RWDD1: variants seen among roughly 807,000 people sequenced by gnomAD.
RWDD1 encodes the protein RWD domain-containing protein 1.
RWDD1 carries 17 observed loss-of-function variants against 31.6 expected under a neutral mutation model. The observed-to-expected ratio is 0.54, with a 90% CI of 0.37 to 0.81. The LOEUF (loss-of-function observed/expected upper bound fraction) is 0.81, where lower values mean the gene tolerates loss of function less well. Among genes scored for constraint, RWDD1 ranks in the 30% least tolerant of loss-of-function variants. The pLI is 0.00. For synonymous variants in RWDD1, 78 were observed against 94.2 expected (o/e 0.83, Z 0.99); for missense variants, 204 against 274.5 (o/e 0.74, Z 1.82).
chr6:116,590,490 G>C, intron 5 of RWDD1, 86 bp downstream of exon 5: 1 of 1,447,576 alleles, frequency 6.9e-7, no homozygotes, highest in African/African-American at 1.4e-5. Flanking sequence ...TCAGATTTCT[G>C]TAAGAAAATA....
At chr6:116,590,975 TG>T (rs759508308) in intron 6 of RWDD1, 25 bp downstream of exon 6, 3 of 1,557,800 alleles carry the variant, frequency 1.9e-6, no homozygotes, top group Non-Finnish European at 2.6e-6. Flanking sequence ...GAATTCCACA[TG>T]TGGGACAGGC....
chr6:116,589,837 A>G (rs1483524626), intron 4 of RWDD1, among the ~76,000 whole-genome samples: 2 of 152,148 alleles, frequency 1.3e-5, no homozygotes, highest in African/African-American at 2.4e-5. Context: ...TTTATTCACT[A>G]TCATGAGAAT....
intron 1 of RWDD1, among the ~76,000 whole-genome samples, chr6:116,577,057 C>G (rs895559907): frequency 6.6e-6 from 1 of 152,206 alleles, no homozygotes; most frequent in Non-Finnish European, 1.5e-5. Flanking sequence ...AGGGTGGCTT[C>G]ACAAATAAAA....
At chr6:116,571,802 C>G in intron 1 of RWDD1, 147 bp downstream of exon 1, 1 of 579,762 alleles carries the variant, frequency 1.7e-6, no homozygotes, top group Non-Finnish European at 3.0e-6. Flanking sequence ...TCAAGTTCTT[C>G]AGTCACTTAC....
intron 2 of RWDD1, among the ~76,000 whole-genome samples, chr6:116,581,828 C>T (rs76376795): frequency 0.055 from 8,285 of 151,992 alleles, 645 homozygotes; most frequent in African/African-American, 0.18. Flanking sequence ...ACAATGACTA[C>T]TGTATTTATG....
At position 116,580,335 on chromosome 6, in the gene RWDD1, G is replaced by T. The variant is rs760623127; in HGVS notation, c.114G>T (p.Thr38=). The T allele has an allele frequency of 6.2e-7, 1 of 1,601,686 alleles. No homozygotes were observed. The highest frequency in any genetic ancestry group is 1.7e-5 in the Admixed American group (1 of 59,248). The change falls in exon 2 of 7, where the codon ACG becomes ACT. Residue 38 remains threonine (T), a synonymous_variant. Coordinates refer to ENST00000466444, the MANE Select transcript of RWDD1 (RefSeq NM_015952.4). ...ENPPSFTITV[T]SEAGENDETV... is the part of the protein sequence containing the mutation. ...CACCCAGCTTCACCATTACTGTGAC[G>T]TCTGAGGCTGGAGAAAATGATGAAA...
chr6:116,574,602 T>C (rs1347338409), intron 1 of RWDD1, among the ~76,000 whole-genome samples: 2 of 152,210 alleles, frequency 1.3e-5, no homozygotes, highest in Non-Finnish European at 2.9e-5. Flanking sequence ...CACCACCATC[T>C]GTCCCCTAAC....
rs1775229116 is a variant in RWDD1, at chr6:116,595,692, A to G, written c.*2591A>G. ...TAGGTCCCTAATATTTGTTGAATGAATGAATTATAGAATAGAGTGCAAAAT... is the reference window on the plus strand; with the variant it reads ...TAGGTCCCTAATATTTGTTGAATGAGTGAATTATAGAATAGAGTGCAAAAT... On this transcript the variant is annotated 3_prime_UTR_variant, in exon 7 of 7. Coordinates refer to ENST00000466444, the MANE Select transcript of RWDD1 (RefSeq NM_015952.4). The G allele has an allele frequency of 6.6e-6, 1 of 152,246 alleles. No homozygotes were observed. The highest frequency in any genetic ancestry group is 6.5e-5 in the Admixed American group (1 of 15,290). The allele number at this position is 152,246 out of a possible 1,614,324, so 9.4% of individuals were successfully genotyped here. A position where few individuals can be genotyped will look rare whatever the true frequency, so the allele number is the denominator to read the frequency against.
In RWDD1 at chr6:116,590,325, C is replaced by T; in HGVS notation, c.468C>T (p.Ala156=). 6.3e-7 allele frequency: 1 copy of T among 1,597,918 alleles called. No individual in the cohort carries two copies. The highest frequency in any genetic ancestry group is 1.1e-5 in the South Asian group (1 of 87,418). ...TTGAGAATTTCTTAAATTGGAAAGCCAAGTTTGATGCAGAACTCTTGGAAA... is the reference window on the plus strand; with the variant it reads ...TTGAGAATTTCTTAAATTGGAAAGCTAAGTTTGATGCAGAACTCTTGGAAA... ...VTIENFLNWK[A]KFDAELLEIK... The change falls in exon 5 of 7, where the codon GCC becomes GCT. Residue 156 remains alanine, a synonymous_variant. Coordinates refer to ENST00000466444, the MANE Select transcript of RWDD1 (RefSeq NM_015952.4).
intron 3 of RWDD1, 96 bp downstream of exon 3, chr6:116,584,953 A>G: frequency 1.0e-6 from 1 of 973,104 alleles, no homozygotes; most frequent in Non-Finnish European, 1.5e-6. Flanking sequence ...TTGTGTAAAC[A>G]GAACATTGAC....
At chr6:116,580,925 G>A (rs939244339) in intron 2 of RWDD1, among the ~76,000 whole-genome samples, 3 of 152,050 alleles carry the variant, frequency 2.0e-5, no homozygotes, top group Admixed American at 6.5e-5. Context: ...TTTTAGTCAC[G>A]TTAGTTGATA....
intron 6 of RWDD1, 128 bp from the exon 7 acceptor site, chr6:116,592,852 G>A: frequency 2.0e-6 from 2 of 981,096 alleles, no homozygotes; most frequent in Admixed American, 2.8e-5. Context: ...TGTAGTTTGG[G>A]ATTTCATCAC....
rs1287386544 is a variant in RWDD1, at chr6:116,593,392, G to C, written c.*291G>C. ...AGGTAGGCTGCTGCTGTGCACATGA[G>C]TTTATACACAGGAAATTGGAATAAC... is the stretch of plus-strand genomic sequence containing the variant. On this transcript the variant is annotated 3_prime_UTR_variant, in exon 7 of 7. Coordinates refer to ENST00000466444, the MANE Select transcript of RWDD1 (RefSeq NM_015952.4). The C allele has an allele frequency of 4.9e-6, 1 of 202,330 alleles. No individual in the cohort carries two copies. Among genetic ancestry groups the C allele is most frequent in the African/African-American group, 2.3e-5 (1 of 43,174 alleles). 12.5% of individuals were successfully genotyped at this position (202,330 alleles called of 1,614,324 possible). A position where few individuals can be genotyped will look rare whatever the true frequency, so the allele number is the denominator to read the frequency against.
intron 2 of RWDD1, among the ~76,000 whole-genome samples, chr6:116,581,971 ACTTGGAAGTAT>A (rs1267124152): frequency 3.9e-5 from 6 of 151,978 alleles, no homozygotes; most frequent in Admixed American, 6.6e-5. Context: ...TTGAATAAAG[ACTTGGAAGTAT>A]TCTCATGTTA....
In RWDD1 at chr6:116,593,256, T is replaced by C; in HGVS notation, c.*155T>C. ...CATCATTGAACTTAATAAACTGACC[T>C]TAAAATTTCAAATATAAAATGTTCA... On this transcript the variant is annotated 3_prime_UTR_variant, in exon 7 of 7. Transcript: ENST00000466444. 1 of 705,792 alleles carries C rather than the reference T, an allele frequency of 1.4e-6. No individual in the cohort carries two copies. The highest frequency in any genetic ancestry group is 2.1e-6 in the Non-Finnish European group (1 of 470,524). 43.7% of individuals were successfully genotyped at this position (705,792 alleles called of 1,614,324 possible). A position where few individuals can be genotyped will look rare whatever the true frequency, so the allele number is the denominator to read the frequency against.
chr6:116,589,976 A>G (rs1332787113), intron 4 of RWDD1, among the ~76,000 whole-genome samples: 1 of 152,218 alleles, frequency 6.6e-6, no homozygotes, highest in African/African-American at 2.4e-5. Context: ...CATATCAGAC[A>G]GCAACAACTT....
chr6:116,572,001 C>T (rs1261351464), intron 1 of RWDD1, among the ~76,000 whole-genome samples: 1 of 152,020 alleles, frequency 6.6e-6, no homozygotes, highest in Non-Finnish European at 1.5e-5. Flanking sequence ...TTTTCCACAG[C>T]CGCAAGAATG....
In RWDD1 at chr6:116,573,913, C is replaced by T. The variant is rs555666011; in HGVS notation, c.73+2258C>T. The stretch of plus-strand genomic sequence containing the variant: ...ATGTGGATGCTGAAGAGACACAGTC[C>T]AGCCTATAGACCTAGGCACATAGAT... On this transcript the variant is annotated intron_variant, in intron 1 of 6. Transcript: ENST00000466444. 1.1e-5 allele frequency: 7 copies of T among 608,792 alleles called. No homozygotes were observed. In the Admixed American group the frequency reaches 1.9e-4, roughly 16 times the overall value. The allele number at this position is 608,792 out of a possible 1,614,324, so 37.7% of individuals were successfully genotyped here.
rs3798403 is a variant in RWDD1, at chr6:116,573,053, T to C, written c.73+1398T>C. The C allele has an allele frequency of 3.7e-4, 347 of 929,780 alleles. 3 individuals are homozygous for C. The East Asian group carries it at 0.031, about 83-fold the overall frequency. The allele number at this position is 929,780 out of a possible 1,614,324, so 57.6% of individuals were successfully genotyped here. ...ATATGTGTATGTCTAAAATAGAATA[T>C]AGGGTCAGTTGTTGGATATATTCTT... On this transcript the variant is annotated intron_variant, in intron 1 of 6. Coordinates refer to ENST00000466444, the MANE Select transcript of RWDD1 (RefSeq NM_015952.4).
Sources: allele counts gnomAD v4.1 joint callset (sites outside exome capture counted in the v4.1 genomes callset), GRCh38; gene constraint gnomAD v4.1.1; transcripts MANE v1.5; gene names NCBI Gene and HGNC (gene_info 2026-07-23, HGNC 2026-07-21).